TENM2: variants seen among roughly 807,000 people sequenced by gnomAD.
The protein encoded by TENM2 is teneurin transmembrane protein 2.
A neutral mutation model predicts 245.2 loss-of-function variants in TENM2; 52 were observed. That is an observed-to-expected ratio of 0.21 (90% confidence interval 0.17 to 0.27). The LOEUF is 0.27. Ranked by LOEUF, TENM2 falls within the 10% of genes least tolerant of loss-of-function variation. The probability of loss-of-function intolerance (pLI) is 1.00; values close to 1 mark genes in which losing one functional copy is unlikely to be tolerated. For missense variants in TENM2, 3,046 were observed against 3,666.8 expected (o/e 0.83, Z 4.37); for synonymous variants, 1,363 against 1,438.9 (o/e 0.95, Z 1.19).
In TENM2 at chr5:167,546,992, C is replaced by A. The variant is rs186108895; in HGVS notation, c.502+171519C>A. ...ATTGCCTGCAATGATACATTCCTAACATGTCAGCCCAAAGCACAGAGTTAT... is the reference window on the plus strand; with the variant it reads ...ATTGCCTGCAATGATACATTCCTAAAATGTCAGCCCAAAGCACAGAGTTAT... On this transcript the variant is annotated intron_variant, in intron 2 of 28. Coordinates refer to ENST00000518659, the Ensembl canonical transcript of TENM2. Among the ~76,000 whole-genome samples the A allele has an allele frequency of 3.3e-5, 5 of 152,282 alleles. No individual in the cohort carries two copies. The East Asian group carries it at 9.6e-4, about 29-fold the overall frequency.
At chr5:167,245,779 G>A in the TENM2 span, among the ~76,000 whole-genome samples, 2 of 152,104 alleles carry the variant, frequency 1.3e-5, no homozygotes, top group Non-Finnish European at 2.9e-5. Flanking sequence ...AGTAATTTGG[G>A]TCTTACAAAT....
Position 167,431,959 on chromosome 5 carries a change from ATG to A in TENM2, c.502+56488_502+56489del, listed in dbSNP as rs1423111686. On this transcript the variant is annotated intron_variant, in intron 2 of 28. Transcript: ENST00000518659. Reference sequence around the variant, plus strand: ...TATATACATATATATGTATATATATATGTATATATATATATATATGGAAGTTC... The same window carrying A: ...TATATACATATATATGTATATATATATATATATATATATATATGGAAGTTC... Among the ~76,000 whole-genome samples the A allele has an allele frequency of 6.7e-4, 26 of 38,542 alleles. 1 individual carries two copies. The highest frequency in any genetic ancestry group is 1.7e-3 in the Admixed American group (5 of 2,922). 25.3% of individuals were successfully genotyped at this position (38,542 alleles called of 152,430 possible).
At chr5:166,995,407 A>T in the TENM2 span, among the ~76,000 whole-genome samples, 2 of 151,348 alleles carry the variant, frequency 1.3e-5, no homozygotes, top group Admixed American at 6.6e-5. Flanking sequence ...GCCTGGCTAA[A>T]TTTTTTTGTA....
chr5:168,075,276 T>C (rs1271981259), intron 7 of TENM2, among the ~76,000 whole-genome samples: 10 of 152,228 alleles, frequency 6.6e-5, no homozygotes, highest in Admixed American at 6.5e-4. Flanking sequence ...TCATTCCTTT[T>C]AATGTCTGAG....
intron 2 of TENM2, among the ~76,000 whole-genome samples, chr5:167,751,257 G>A (rs774578695): frequency 2.2e-4 from 33 of 152,180 alleles, no homozygotes; most frequent in Non-Finnish European, 3.8e-4. Context: ...CAGGAAGCCA[G>A]TGACAGATGT....
the TENM2 span, among the ~76,000 whole-genome samples, chr5:167,136,988 G>A: frequency 6.6e-6 from 1 of 152,198 alleles, no homozygotes; most frequent in Non-Finnish European, 1.5e-5. Context: ...AGAACAAGGT[G>A]CTGGCAGATT....
intron 2 of TENM2, among the ~76,000 whole-genome samples, chr5:167,772,875 G>C (rs1437035927): frequency 6.6e-6 from 1 of 152,146 alleles, no homozygotes; most frequent in African/African-American, 2.4e-5. Context: ...TCCTAAATAT[G>C]ATTTAATTCT....
chr5:167,019,010 A>G, the TENM2 span, among the ~76,000 whole-genome samples: 1 of 152,216 alleles, frequency 6.6e-6, no homozygotes, highest in Non-Finnish European at 1.5e-5. Flanking sequence ...CCTAAATTAG[A>G]TTCCTTCTCA....
At chr5:167,337,533 G>A (rs1346921371) in intron 1 of TENM2, among the ~76,000 whole-genome samples, 1 of 152,178 alleles carries the variant, frequency 6.6e-6, no homozygotes, top group African/African-American at 2.4e-5. Flanking sequence ...TCCATAAAAT[G>A]ATTTGGGAAT....
Position 167,627,406 on chromosome 5 carries a change from TG to T in TENM2, c.503-248579del, listed in dbSNP as rs550956345. Among the ~76,000 whole-genome samples, 234 of 152,208 alleles carry T rather than the reference TG, an allele frequency of 1.5e-3. 1 individual carries two copies. The highest frequency in any genetic ancestry group is 2.8e-3 in the Non-Finnish European group (190 of 68,010). On this transcript the variant is annotated intron_variant, in intron 2 of 28. Coordinates refer to ENST00000518659, the Ensembl canonical transcript of TENM2. ...TAGAGTTCACCTGCTGATATTAAACTGCAGAAAAAGACCATAAGATGATAAT... is the reference window on the plus strand; with the variant it reads ...TAGAGTTCACCTGCTGATATTAAACTCAGAAAAAGACCATAAGATGATAAT...
In TENM2 at chr5:168,008,721, A is replaced by G. The variant is rs148926068; in HGVS notation, c.1186+15539A>G. On this transcript the variant is annotated intron_variant, in intron 5 of 28. Transcript: ENST00000518659. ...CAAGACAAAGAAGACAGAAGTACCT[A>G]ATATGGCCTTAAGGTTTCTCTGTTG... Among the ~76,000 whole-genome samples the G allele has an allele frequency of 2.3e-4, 35 of 152,338 alleles. 1 individual carries two copies. In the East Asian group the frequency reaches 6.2e-3, roughly 27 times the overall value.
chr5:167,917,735 A>C (rs1450250373), intron 3 of TENM2, among the ~76,000 whole-genome samples: 1 of 152,186 alleles, frequency 6.6e-6, no homozygotes, highest in African/African-American at 2.4e-5. Context: ...TGAATCAAGA[A>C]GCCTTCACTG....
chr5:167,416,475 G>A (rs1299386558), intron 2 of TENM2, among the ~76,000 whole-genome samples: 3 of 152,030 alleles, frequency 2.0e-5, no homozygotes, highest in Admixed American at 6.6e-5. Flanking sequence ...AAAATATAAC[G>A]TTACTTTTTG....
At chr5:167,100,792 G>T in the TENM2 span, among the ~76,000 whole-genome samples, 3 of 152,112 alleles carry the variant, frequency 2.0e-5, no homozygotes, top group Non-Finnish European at 2.9e-5. Flanking sequence ...GCAATCCAGA[G>T]AATTAATTCA....
intron 4 of TENM2, among the ~76,000 whole-genome samples, chr5:167,990,672 A>C (rs1783599310): frequency 6.6e-6 from 1 of 152,200 alleles, no homozygotes; most frequent in South Asian, 2.1e-4. Context: ...AGCATTAAAA[A>C]AGAGCCATTG....
At chr5:167,258,845 C>A in the TENM2 span, among the ~76,000 whole-genome samples, 1 of 152,062 alleles carries the variant, frequency 6.6e-6, no homozygotes, top group African/African-American at 2.4e-5. Context: ...TGTGTGAGAA[C>A]CATAATGCTA....
At chr5:168,234,793 CA>C (rs1469753378) in intron 25 of TENM2, among the ~76,000 whole-genome samples, 1 of 152,184 alleles carries the variant, frequency 6.6e-6, no homozygotes, top group Non-Finnish European at 1.5e-5. Context: ...TTGTGATTTA[CA>C]TAGAGATTGC....
At chr5:167,190,227 G>A in the TENM2 span, among the ~76,000 whole-genome samples, 34 of 152,112 alleles carry the variant, frequency 2.2e-4, no homozygotes, top group African/African-American at 7.7e-4. Context: ...CCAGTCTAAT[G>A]TACAAATTCT....
At chr5:168,245,160 C>T (rs1468867566) in intron 26 of TENM2, among the ~76,000 whole-genome samples, 1 of 145,794 alleles carries the variant, frequency 6.9e-6, no homozygotes, top group Non-Finnish European at 1.5e-5. Context: ...CCTCCTGCTC[C>T]CACCCTCACA....
Sources: allele counts gnomAD v4.1 joint callset (sites outside exome capture counted in the v4.1 genomes callset), GRCh38; gene constraint gnomAD v4.1.1; transcripts MANE v1.5; gene names NCBI Gene and HGNC (gene_info 2026-07-23, HGNC 2026-07-21).